The following RUNDC3B variants were observed in gnomAD, a reference collection of about 807,000 sequenced individuals.
The protein encoded by RUNDC3B is RUN domain containing 3B, also known as RUN domain-containing protein 3B.
A neutral mutation model predicts 58.4 loss-of-function variants in RUNDC3B; 33 were observed. The ratio of observed to expected loss-of-function variants is 0.56; its 90% CI spans 0.43 to 0.75. RUNDC3B has a LOEUF of 0.75. Among genes scored for constraint, RUNDC3B ranks in the 30% least tolerant of loss-of-function variants. RUNDC3B has a pLI of 0.00. For missense variants in RUNDC3B, 501 were observed against 535.7 expected (o/e 0.94, Z 0.64); for synonymous variants, 193 against 195.2 (o/e 0.99, Z 0.10).
chr7:87,764,583 C>A (rs1056776615), intron 6 of RUNDC3B, among the ~76,000 whole-genome samples: 4 of 151,686 alleles, frequency 2.6e-5, no homozygotes, highest in Non-Finnish European at 5.9e-5. Context: ...CTTTTAGAGT[C>A]CCTAGTGTTT....
intron 2 of RUNDC3B, among the ~76,000 whole-genome samples, chr7:87,673,498 C>T (rs926427119): frequency 1.3e-5 from 2 of 152,224 alleles, no homozygotes; most frequent in East Asian, 1.9e-4. Flanking sequence ...TCAGTTTGGT[C>T]GAATCTGCTA....
chr7:87,820,578 A>C (rs1306016262), intron 10 of RUNDC3B, among the ~76,000 whole-genome samples: 2 of 152,084 alleles, frequency 1.3e-5, no homozygotes, highest in Non-Finnish European at 2.9e-5. Context: ...GGGCAGAGAC[A>C]CAACCAAAAA....
intron 2 of RUNDC3B, among the ~76,000 whole-genome samples, chr7:87,689,413 G>A (rs1275049497): frequency 1.3e-5 from 2 of 152,050 alleles, no homozygotes; most frequent in African/African-American, 4.8e-5. Context: ...TAATGAGCAA[G>A]TCATACTTTA....
chr7:87,775,691 T>C (rs1359604566), intron 7 of RUNDC3B, among the ~76,000 whole-genome samples: 1 of 152,202 alleles, frequency 6.6e-6, no homozygotes, highest in Non-Finnish European at 1.5e-5. Context: ...AAATCTTTTA[T>C]ACCATATTTT....
At chr7:87,773,885 C>A (rs1052782778) in intron 7 of RUNDC3B, among the ~76,000 whole-genome samples, 3 of 152,046 alleles carry the variant, frequency 2.0e-5, no homozygotes, top group Non-Finnish European at 4.4e-5. Context: ...ACGACGTTGG[C>A]TAGGCTGGTC....
chr7:87,810,667 T>C (rs1836666802), intron 9 of RUNDC3B, among the ~76,000 whole-genome samples: 1 of 152,208 alleles, frequency 6.6e-6, no homozygotes, highest in South Asian at 2.1e-4. Flanking sequence ...TTGAAGATCT[T>C]AAATTTATTT....
At chr7:87,675,179 G>C (rs969553864) in intron 2 of RUNDC3B, among the ~76,000 whole-genome samples, 1 of 152,164 alleles carries the variant, frequency 6.6e-6, no homozygotes, top group African/African-American at 2.4e-5. Context: ...CCCCATGCTG[G>C]GTTCCCGGCT....
intron 4 of RUNDC3B, among the ~76,000 whole-genome samples, chr7:87,714,859 T>C (rs1277363738): frequency 6.6e-6 from 1 of 152,064 alleles, no homozygotes; most frequent in Non-Finnish European, 1.5e-5. Context: ...GGGATAGGAA[T>C]CTTGGTGATG....
intron 2 of RUNDC3B, among the ~76,000 whole-genome samples, chr7:87,685,069 TAAAC>T (rs1406108125): frequency 1.3e-5 from 2 of 151,980 alleles, no homozygotes; most frequent in East Asian, 1.9e-4. Flanking sequence ...TACAATCCAT[TAAAC>T]AAAAAAAATT....
chr7:87,640,064 T>G (rs779941044), intron 1 of RUNDC3B, among the ~76,000 whole-genome samples: 2 of 150,786 alleles, frequency 1.3e-5, no homozygotes, highest in Admixed American at 1.3e-4. Context: ...TTTATATATA[T>G]TTCTATTCTT....
chr7:87,635,499 G>C (rs2046541666), intron 1 of RUNDC3B, among the ~76,000 whole-genome samples: 1 of 151,842 alleles, frequency 6.6e-6, no homozygotes, highest in African/African-American at 2.4e-5. Context: ...TTTTTCTCAT[G>C]CAGCTGTTAG....
chr7:87,797,826 G>A (rs895882715), intron 8 of RUNDC3B, among the ~76,000 whole-genome samples: 1 of 151,968 alleles, frequency 6.6e-6, no homozygotes, highest in South Asian at 2.1e-4. Flanking sequence ...TTTTGAACTC[G>A]TTACAGTTAG....
chr7:87,751,881 A>G (rs1411243565), intron 6 of RUNDC3B, among the ~76,000 whole-genome samples: 2 of 152,190 alleles, frequency 1.3e-5, no homozygotes, highest in Middle Eastern at 3.4e-3. Context: ...TCTCCTGCCT[A>G]ATTGCCCTGG....
At chr7:87,756,929 C>G (rs1488619651) in intron 6 of RUNDC3B, among the ~76,000 whole-genome samples, 1 of 152,106 alleles carries the variant, frequency 6.6e-6, no homozygotes, top group Admixed American at 6.6e-5. Flanking sequence ...GACCATGACA[C>G]TGAGCTTTGT....
intron 10 of RUNDC3B, among the ~76,000 whole-genome samples, chr7:87,826,358 T>C (rs542209639): frequency 2.0e-5 from 3 of 151,536 alleles, no homozygotes; most frequent in Non-Finnish European, 4.4e-5. Context: ...CCTTTCACCT[T>C]CCACCATGAT....
intron 10 of RUNDC3B, among the ~76,000 whole-genome samples, chr7:87,821,961 C>T (rs970031365): frequency 6.6e-6 from 1 of 151,780 alleles, no homozygotes. Context: ...TAGGCAATAC[C>T]ATTCAGGACA....
intron 1 of RUNDC3B, among the ~76,000 whole-genome samples, chr7:87,633,102 G>A (rs1821392264): frequency 6.6e-6 from 1 of 152,102 alleles, no homozygotes; most frequent in African/African-American, 2.4e-5. Context: ...AATTACATTA[G>A]CACCTCAGTT....
intron 6 of RUNDC3B, among the ~76,000 whole-genome samples, chr7:87,748,467 G>T (rs985184549): frequency 6.6e-6 from 1 of 152,184 alleles, no homozygotes. Flanking sequence ...AGGCTGCTCT[G>T]TCTAGAGCTG....
chr7:87,726,316 C>A (rs1831226857), intron 4 of RUNDC3B, among the ~76,000 whole-genome samples: 1 of 152,134 alleles, frequency 6.6e-6, no homozygotes, highest in Non-Finnish European at 1.5e-5. Flanking sequence ...ATATGGCTAG[C>A]CAGTTTTCCC....
Sources: allele counts gnomAD v4.1 joint callset (sites outside exome capture counted in the v4.1 genomes callset), GRCh38; gene constraint gnomAD v4.1.1; transcripts MANE v1.5; gene names NCBI Gene and HGNC (gene_info 2026-07-23, HGNC 2026-07-21).